The following GIGYF1 variants were observed in gnomAD, a reference collection of about 807,000 sequenced individuals.
GIGYF1 encodes GRB10 interacting GYF protein 1.
GIGYF1 carries 84 observed loss-of-function variants against 147.1 expected under a neutral mutation model. That is an observed-to-expected ratio of 0.57 (90% confidence interval 0.48 to 0.68). GIGYF1 has a LOEUF of 0.68. Among genes scored for constraint, GIGYF1 ranks in the 30% least tolerant of loss-of-function variants. The probability of loss-of-function intolerance (pLI) is 0.00; values close to 1 mark genes in which losing one functional copy is unlikely to be tolerated. For missense variants in GIGYF1, 1,485 were observed against 1,393.7 expected, an observed-to-expected ratio of 1.07 and a Z score of -1.04; for synonymous variants, 752 against 589.5, an observed-to-expected ratio of 1.28 and a Z score of -3.99.
chr7:100,685,538 T>A (rs1805240382), intron 12 of GIGYF1, 57 bp from the exon 13 acceptor site: 1 of 1,572,702 alleles, frequency 6.4e-7, no homozygotes, highest in Non-Finnish European at 8.6e-7. Context: ...CCACGCGAGT[T>A]AGCACAAGCC....
At chr7:100,690,275 C>T (rs994252166) in intron 1 of GIGYF1, among the ~76,000 whole-genome samples, 1 of 152,180 alleles carries the variant, frequency 6.6e-6, no homozygotes, top group South Asian at 2.1e-4. Context: ...CATTTTGGGC[C>T]TCCTCCAGTT....
At position 100,685,337 on chromosome 7, in the gene GIGYF1, T is replaced by G; in HGVS notation, c.1192+7A>C. On this transcript the variant is annotated splice_region_variant and intron_variant, in intron 13 of 26. Coordinates refer to ENST00000678049, the MANE Select transcript of GIGYF1 (RefSeq NM_001375765.1). ...CACCCGGGAGGTAGGCCATCCTCCC[T>G]TCCTACCTTCGGCCGCTGGGGGCTC... The G allele has an allele frequency of 6.3e-7, 1 of 1,592,254 alleles. No homozygotes were observed. The highest frequency in any genetic ancestry group is 2.2e-5 in the East Asian group (1 of 44,572).
chr7:100,684,457 G>C lies in GIGYF1; in HGVS notation c.1622C>G (p.Pro541Arg), dbSNP rs765938521. 1.9e-6 allele frequency: 3 copies of C among 1,612,678 alleles called. No homozygotes were observed. The highest frequency in any genetic ancestry group is 2.5e-6 in the Non-Finnish European group (3 of 1,179,954). The change falls in exon 16 of 27, where the codon CCA becomes CGA. Residue 541 changes from proline to arginine, a missense_variant. Transcript: ENST00000678049. ...VPFAPGPSPP[P>R]LLGNMDQERL... Reference sequence around the variant, plus strand: ...AGGGGAGAAGCGGCTCACCAGCAGTGGGGGAGGTGAGGGCCCTGGGGCAAA... The same window carrying C: ...AGGGGAGAAGCGGCTCACCAGCAGTCGGGGAGGTGAGGGCCCTGGGGCAAA...
At position 100,683,175 on chromosome 7, in the gene GIGYF1, A is replaced by T; in HGVS notation, c.2249T>A (p.Val750Glu). 3.1e-6 allele frequency: 5 copies of T among 1,605,430 alleles called. No individual in the cohort carries two copies. The highest frequency in any genetic ancestry group is 4.2e-6 in the Non-Finnish European group (5 of 1,179,100). ...GGGCGGGGAGCTGGGTGCGGGGGGC[A>T]CAGGGACCGCCTGCTGCTGCTGTAG... ...KLLQQQQAVP[V>E]PPAPSSPPPL... Residue 750 changes from valine to glutamate, a missense_variant, in exon 22 of 27, where the codon GTG (valine) becomes GAG (glutamate). Transcript: ENST00000678049.
intron 12 of GIGYF1, 102 bp from the exon 13 acceptor site, chr7:100,685,583 T>C: frequency 7.7e-7 from 1 of 1,292,674 alleles, no homozygotes; most frequent in South Asian, 1.3e-5. Flanking sequence ...TCACACTCCC[T>C]TAGGCCGAGT....
rs1296941475 is a variant in GIGYF1 at position 100,685,927 on chromosome 7, T to G, written c.1054+47A>C. The G allele has an allele frequency of 2.6e-6, 4 of 1,521,830 alleles. No homozygotes were observed. In the Admixed American group the frequency reaches 5.1e-5, roughly 19 times the overall value. 94.3% of individuals were successfully genotyped at this position (1,521,830 alleles called of 1,614,324 possible). On this transcript the variant is annotated intron_variant, in intron 12 of 26. Transcript: ENST00000678049. ...TGCCCAGCCCGGCAAAGAACACCAGTGCCTGCCCGGCCCAGCCCCAGGCCC... is the reference window on the plus strand; with the variant it reads ...TGCCCAGCCCGGCAAAGAACACCAGGGCCTGCCCGGCCCAGCCCCAGGCCC...
At position 100,682,724 on chromosome 7, in the gene GIGYF1, C is replaced by T. The variant is rs1001147754; in HGVS notation, c.2466G>A (p.Gly822=). 1.3e-5 allele frequency: 20 copies of T among 1,567,808 alleles called. No individual in the cohort carries two copies. The highest frequency in any genetic ancestry group is 1.6e-5 in the Non-Finnish European group (18 of 1,158,312). ...TCTTGTCTGGCCCGCCCCACAGTGG[C>T]CCAGCCTCAGACACCCACTGGTTCA... is the stretch of plus-strand genomic sequence containing the variant. ...APLNQWVSEA[G]PLWGGPDKSG... Residue 822 remains glycine, a synonymous_variant, in exon 23 of 27, where the codon GGG becomes GGA. Coordinates refer to ENST00000678049, the MANE Select transcript of GIGYF1 (RefSeq NM_001375765.1).
intron 14 of GIGYF1, 73 bp from the exon 15 acceptor site, chr7:100,684,967 C>G (rs1293657463): frequency 1.3e-6 from 2 of 1,576,516 alleles, no homozygotes; most frequent in African/African-American, 1.4e-5. Context: ...GGGGATGGAG[C>G]TTGAGCTGGG....
rs201141754 is a variant in GIGYF1 at position 100,686,974 on chromosome 7, C to T, written c.523+32G>A. 4.6e-5 allele frequency: 75 copies of T among 1,613,156 alleles called. No homozygotes were observed. In the Admixed American group the frequency reaches 6.5e-4, roughly 14 times the overall value. On this transcript the variant is annotated intron_variant, in intron 9 of 26. Coordinates refer to ENST00000678049, the MANE Select transcript of GIGYF1 (RefSeq NM_001375765.1). ...GGCCACCCATCTTGGTCCTCCCTGC[C>T]GCCCCGGCCGCCGCCCTCAGCAGCC...
Position 100,681,920 on chromosome 7 carries a change from TC to T in GIGYF1, c.2998del (p.Glu1000ArgfsTer10). 1 of 1,610,820 alleles carries T rather than the reference TC, an allele frequency of 6.2e-7. No homozygotes were observed. On this transcript the variant is annotated frameshift_variant, in exon 26 of 27. Transcript: ENST00000678049. LOFTEE classifies it high-confidence loss of function. ...ANHSTKLGPG[E>X]GSKAKRRALM... is the part of the protein sequence containing the mutation. ...TGCCCGCCTCTTGGCCTTGCTGCCC[TC>T]CCCGGGGCCGAGTTTGGTGCTGTGG...
rs761445083 is a variant in GIGYF1, at chr7:100,685,382, C to T, written c.1154G>A (p.Gly385Glu). The T allele has an allele frequency of 2.5e-6, 4 of 1,596,588 alleles. No homozygotes were observed. The highest frequency in any genetic ancestry group is 3.7e-5 in the Admixed American group (2 of 54,134). Reference protein sequence around the residue: ...LGPLWGTNGDGDETAEKEPPA... With the variant: ...LGPLWGTNGDEDETAEKEPPA... Reference sequence around the variant, plus strand: ...GGGCTCTTTCTCTGCAGTTTCGTCCCCATCCCCGTTTGTCCCCCAGAGTGG... The same window carrying T: ...GGGCTCTTTCTCTGCAGTTTCGTCCTCATCCCCGTTTGTCCCCCAGAGTGG... The change falls in exon 13 of 27, where the codon GGG (glycine) becomes GAG (glutamate). Residue 385 changes from glycine to glutamate, a missense_variant. Gly to Glu is a moderately conservative substitution (Grantham distance 98, BLOSUM62 -2). Transcript: ENST00000678049.
In GIGYF1 at chr7:100,688,479, A is replaced by G. The variant is rs1003610845; in HGVS notation, c.-98T>C. ...AGCCAGCCACGTGGCCACTCACACC[A>G]TGAGTTACCCAGAGATGAGTCCAGA... On this transcript the variant is annotated 5_prime_UTR_variant, in exon 3 of 27. An upstream start codon of the reference 5' UTR is lost. Transcript: ENST00000678049. 2.0e-5 allele frequency: 14 copies of G among 690,340 alleles called. No individual in the cohort carries two copies. The highest frequency in any genetic ancestry group is 3.2e-5 in the Non-Finnish European group (12 of 377,686). 42.8% of individuals were successfully genotyped at this position (690,340 alleles called of 1,614,324 possible). A position where few individuals can be genotyped will look rare whatever the true frequency, so the allele number is the denominator to read the frequency against.
rs755203353 is a variant in GIGYF1 at position 100,686,667 on chromosome 7, A to C, written c.676T>G (p.Trp226Gly). The C allele has an allele frequency of 2.5e-5, 41 of 1,612,052 alleles. No homozygotes were observed. Among genetic ancestry groups the C allele is most frequent in the Non-Finnish European group, 5.9e-6 (7 of 1,179,566 alleles). Residue 226 changes from tryptophan to glycine, a missense_variant, in exon 10 of 27, where the codon TGG becomes GGG. By Grantham distance (184) the Trp-to-Gly change is radical. Coordinates refer to ENST00000678049, the MANE Select transcript of GIGYF1 (RefSeq NM_001375765.1). Reference sequence around the variant, plus strand: ...ATCTCACCAGGGCTGGCGGAGCGCCAGCGGTCGCCGTCTCGCCGGGGCCCT... The same window carrying C: ...ATCTCACCAGGGCTGGCGGAGCGCCCGCGGTCGCCGTCTCGCCGGGGCCCT... ...GAGPRRDGDR[W>G]RSASPDGGPR... is the part of the protein sequence containing the mutation.
In GIGYF1 at chr7:100,683,577, A is replaced by T. The variant is rs758062553; in HGVS notation, c.2025T>A (p.Ile675=). The change falls in exon 20 of 27, where the codon ATT becomes ATA. Residue 675 remains isoleucine (I), a synonymous_variant. Coordinates refer to ENST00000678049, the MANE Select transcript of GIGYF1 (RefSeq NM_001375765.1). ...IPINSSTQGP[I]LEQLQLQHKF... is the part of the protein sequence containing the mutation. ...TATGTTGCAGCTGGAGTTGTTCTAG[A>T]ATTGGACCCTGAGTCGAAGAGTTAA... 2 of 1,614,178 alleles carry T rather than the reference A, an allele frequency of 1.2e-6. No individual in the cohort carries two copies. The highest frequency in any genetic ancestry group is 1.7e-6 in the Non-Finnish European group (2 of 1,180,016).
Position 100,693,496 on chromosome 7 carries a change from C to CA in GIGYF1, c.-1099+613dup, listed in dbSNP as rs1472248499. Among the ~76,000 whole-genome samples, 19 of 152,262 alleles carry CA rather than the reference C, an allele frequency of 1.2e-4. No individual in the cohort carries two copies. In the South Asian group the frequency reaches 3.9e-3, roughly 32 times the overall value. On this transcript the variant is annotated intron_variant, in intron 1 of 26. Coordinates refer to ENST00000678049, the MANE Select transcript of GIGYF1 (RefSeq NM_001375765.1). The stretch of plus-strand genomic sequence containing the variant: ...CTAAGATCGCCGGAGCGAAAGGAAA[C>CA]AGAGGTGAGGAGGACCCAGGCGAGG...
chr7:100,693,448 A>G (rs142499837), intron 1 of GIGYF1, among the ~76,000 whole-genome samples: 66 of 152,278 alleles, frequency 4.3e-4, no homozygotes, highest in African/African-American at 9.9e-4. Flanking sequence ...AACTGGGAAG[A>G]AGGAGACCCC....
Position 100,686,333 on chromosome 7 carries a change from C to G in GIGYF1, c.795G>C (p.Glu265Asp). Residue 265 changes from glutamate (E) to aspartate (D), a missense_variant, in exon 11 of 27, where the codon GAG (glutamate) becomes GAC (aspartate). Coordinates refer to ENST00000678049, the MANE Select transcript of GIGYF1 (RefSeq NM_001375765.1). ...RGDRGGCGEE[E>D]GRGGGGSSHL... is the part of the protein sequence containing the mutation. ...GAGAGCTGCCTCCCCCTCCCCGCCCCTCCTCTTCACCACACCCTCCTCGAT... is the reference window on the plus strand; with the variant it reads ...GAGAGCTGCCTCCCCCTCCCCGCCCGTCCTCTTCACCACACCCTCCTCGAT... 1 of 1,613,768 alleles carries G rather than the reference C, an allele frequency of 6.2e-7. No homozygotes were observed. The highest frequency in any genetic ancestry group is 8.5e-7 in the Non-Finnish European group (1 of 1,179,908).
chr7:100,690,256 A>G (rs1326391262), intron 1 of GIGYF1, among the ~76,000 whole-genome samples: 1 of 152,244 alleles, frequency 6.6e-6, no homozygotes, highest in East Asian at 1.9e-4. Context: ...AATCAGCCTC[A>G]GGAGAGGCCA....
chr7:100,682,672 G>T lies in GIGYF1; in HGVS notation c.2518C>A (p.Leu840Ile). Residue 840 changes from leucine (L) to isoleucine (I), a missense_variant, in exon 23 of 27, where the codon CTC becomes ATC. Leu to Ile is a conservative substitution (Grantham distance 5). Coordinates refer to ENST00000678049, the MANE Select transcript of GIGYF1 (RefSeq NM_001375765.1). ...CCGCTCTTGGGGGTGTCCTCCCAGAGCCCCAGGCCGCTGCTGCCGCCCCCA... is the reference window on the plus strand; with the variant it reads ...CCGCTCTTGGGGGTGTCCTCCCAGATCCCCAGGCCGCTGCTGCCGCCCCCA... ...KSGGGSSGLG[L>I]WEDTPKSGGS... 2 of 1,602,110 alleles carry T rather than the reference G, an allele frequency of 1.2e-6. No homozygotes were observed. Among genetic ancestry groups the T allele is most frequent in the Non-Finnish European group, 1.7e-6 (2 of 1,175,628 alleles).
Sources: allele counts gnomAD v4.1 joint callset (sites outside exome capture counted in the v4.1 genomes callset), GRCh38; gene constraint gnomAD v4.1.1; transcripts MANE v1.5; gene names NCBI Gene and HGNC (gene_info 2026-07-23, HGNC 2026-07-21).